Variants in STX6 observed in about 807,000 individuals in gnomAD.
STX6 encodes syntaxin-6.
STX6 carries 23 observed loss-of-function variants against 38.0 expected under a neutral mutation model. The observed-to-expected ratio is 0.60, with a 90% CI of 0.43 to 0.86. The LOEUF (loss-of-function observed/expected upper bound fraction) is 0.86. STX6 is among the 40% of genes least tolerant of loss of function. The probability of loss-of-function intolerance (pLI) is 0.00; values close to 1 mark genes in which losing one functional copy is unlikely to be tolerated. For missense variants in STX6, 274 were observed against 312.9 expected, an observed-to-expected ratio of 0.88 and a Z score of 0.94; for synonymous variants, 123 against 107.5, an observed-to-expected ratio of 1.14 and a Z score of -0.89.
chr1:180,987,142 C>CAGAG (rs1012593988), intron 6 of STX6, among the ~76,000 whole-genome samples: 2 of 152,184 alleles, frequency 1.3e-5, no homozygotes, highest in African/African-American at 4.8e-5. Context: ...ACACATGGAA[C>CAGAG]CTCTCTGCTC....
chr1:181,002,830 C>G, intron 2 of STX6, 130 bp from the exon 3 acceptor site: 1 of 619,772 alleles, frequency 1.6e-6, no homozygotes, highest in Non-Finnish European at 2.9e-6. Flanking sequence ...GTCAGCTGGA[C>G]ACCAATCATT....
rs1272327871 is a variant in STX6, at chr1:181,005,292, ATTGATGGTTTCATCAAGGTCCTC to A, written c.184_205+1del. 1 of 1,613,162 alleles carries A rather than the reference ATTGATGGTTTCATCAAGGTCCTC, an allele frequency of 6.2e-7. No homozygotes were observed. On this transcript the variant is annotated splice_donor_variant and coding_sequence_variant, in exon 2 of 8. Transcript: ENST00000258301. LOFTEE classifies it high-confidence loss of function. ...TGGCACAGACACCACAGAAAAGGAT[ATTGATGGTTTCATCAAGGTCCTC>A]TAGATCCCACTCTATGCTCCGGAGG...
chr1:181,005,240 C>A, intron 2 of STX6, 54 bp downstream of exon 2: 1 of 1,557,098 alleles, frequency 6.4e-7, no homozygotes, highest in Non-Finnish European at 8.7e-7. Flanking sequence ...TGGAGAAAAA[C>A]TTGTCCATTT....
chr1:180,984,352 C>A (rs944767832), intron 7 of STX6, among the ~76,000 whole-genome samples: 1 of 152,074 alleles, frequency 6.6e-6, no homozygotes, highest in African/African-American at 2.4e-5. Flanking sequence ...TCGAGACTAG[C>A]CTAGCCAACA....
At chr1:180,992,844 T>G (rs1409409602) in intron 4 of STX6, among the ~76,000 whole-genome samples, 1 of 152,250 alleles carries the variant, frequency 6.6e-6, no homozygotes, top group Non-Finnish European at 1.5e-5. Flanking sequence ...GTTCCTCTAA[T>G]GTCTTTACAT....
In STX6 at chr1:181,022,849, G is replaced by A. The variant is rs140500084; in HGVS notation, c.-176C>T. 3.2e-3 allele frequency: 1,963 copies of A among 604,130 alleles called. 29 individuals carry two copies. The African/African-American group carries it at 0.033, about 10-fold the overall frequency. The allele number at this position is 604,130 out of a possible 1,614,324, so 37.4% of individuals were successfully genotyped here. The stretch of plus-strand genomic sequence containing the variant: ...CAGGACGGCCGCTGGTCCAGCACTC[G>A]CTCAGCACCACTGGCCGAATCCCGG... On this transcript the variant is annotated 5_prime_UTR_variant, in exon 1 of 8. Transcript: ENST00000258301.
chr1:181,014,406 G>T (rs868206901), intron 1 of STX6, among the ~76,000 whole-genome samples: 6 of 142,246 alleles, frequency 4.2e-5, no homozygotes, highest in African/African-American at 1.3e-4. Flanking sequence ...AAAAAAAAAA[G>T]AAAAAAAAAG....
intron 3 of STX6, among the ~76,000 whole-genome samples, chr1:180,995,091 T>C (rs767042913): frequency 6.6e-6 from 1 of 151,972 alleles, no homozygotes; most frequent in Non-Finnish European, 1.5e-5. Context: ...GCCTCCTGAA[T>C]AGCTGGGACT....
chr1:181,004,945 T>TA lies in STX6; in HGVS notation c.205+348dup, dbSNP rs200256100. Reference sequence around the variant, plus strand: ...TGACTTGAGTGTGAGGGTAGAGACTTAAAAAAAAAAGAAAAAAAGGGTTTT... The same window carrying TA: ...TGACTTGAGTGTGAGGGTAGAGACTTAAAAAAAAAAAGAAAAAAAGGGTTTT... On this transcript the variant is annotated intron_variant, in intron 2 of 7. Coordinates refer to ENST00000258301, the MANE Select transcript of STX6 (RefSeq NM_005819.6). Among the ~76,000 whole-genome samples the TA allele has an allele frequency of 6.0e-4, 86 of 143,420 alleles. No homozygotes were observed. The East Asian group carries it at 8.4e-3, about 14-fold the overall frequency. 94.1% of individuals were successfully genotyped at this position (143,420 alleles called of 152,430 possible). A position where few individuals can be genotyped will look rare whatever the true frequency, so the allele number is the denominator to read the frequency against.
chr1:181,019,699 T>A (rs551810014), intron 1 of STX6, among the ~76,000 whole-genome samples: 1 of 152,194 alleles, frequency 6.6e-6, no homozygotes, highest in African/African-American at 2.4e-5. Flanking sequence ...AGGGTACACC[T>A]GTCTAGGACT....
At position 180,974,305 on chromosome 1, in the gene STX6, T is replaced by G. The variant is rs1655193770; in HGVS notation, c.*2265A>C. The G allele has an allele frequency of 6.6e-6, 1 of 152,242 alleles. No homozygotes were observed. Among genetic ancestry groups the G allele is most frequent in the South Asian group, 2.1e-4 (1 of 4,832 alleles). 9.4% of individuals were successfully genotyped at this position (152,242 alleles called of 1,614,324 possible). A position where few individuals can be genotyped will look rare whatever the true frequency, so the allele number is the denominator to read the frequency against. On this transcript the variant is annotated 3_prime_UTR_variant, in exon 8 of 8. Transcript: ENST00000258301. Reference sequence around the variant, plus strand: ...GAATGCACTGTATTGTTAGTTAACTTTCTAAATTGTTCTCTATTTAGCTTC... The same window carrying G: ...GAATGCACTGTATTGTTAGTTAACTGTCTAAATTGTTCTCTATTTAGCTTC...
intron 1 of STX6, among the ~76,000 whole-genome samples, chr1:181,016,423 T>C (rs949663021): frequency 1.3e-5 from 2 of 152,236 alleles, no homozygotes; most frequent in Admixed American, 6.5e-5. Context: ...CTTATCTGCA[T>C]AGTGTTCTCC....
At chr1:180,996,943 T>C (rs567915555) in intron 3 of STX6, among the ~76,000 whole-genome samples, 2 of 152,300 alleles carry the variant, frequency 1.3e-5, no homozygotes, top group African/African-American at 2.4e-5. Context: ...CTCACAAAGA[T>C]GGTCACTGAA....
chr1:181,022,729 C>CGCAGCACCGCCACCTCTT lies in STX6; in HGVS notation c.-57_-56insAAGAGGTGGCGGTGCTGC. On this transcript the variant is annotated 5_prime_UTR_variant, in exon 1 of 8. Transcript: ENST00000258301. The stretch of plus-strand genomic sequence containing the variant: ...TCCGCGCACAGGGCGCCCGTGCCTC[C>CGCAGCACCGCCACCTCTT]CGGTCTCCCTCCGCCCACCCCGCCT... 1 of 1,544,752 alleles carries CGCAGCACCGCCACCTCTT rather than the reference C, an allele frequency of 6.5e-7. No individual in the cohort carries two copies. The highest frequency in any genetic ancestry group is 1.8e-4 in the Middle Eastern group (1 of 5,696).
intron 1 of STX6, among the ~76,000 whole-genome samples, chr1:181,020,153 T>G (rs1656684877): frequency 6.6e-6 from 1 of 151,944 alleles, no homozygotes. Context: ...AGGCAGAGGT[T>G]GCAGTGAGCC....
In STX6 at chr1:181,005,449, G is replaced by A. The variant is rs1656196849; in HGVS notation, c.50C>T (p.Ala17Val). 1.2e-6 allele frequency: 2 copies of A among 1,613,546 alleles called. No homozygotes were observed. The highest frequency in any genetic ancestry group is 2.2e-5 in the South Asian group (2 of 91,038). The change falls in exon 2 of 8, where the codon GCA becomes GTA. Residue 17 changes from alanine (A) to valine (V), a missense_variant. Physicochemically the swap from Ala to Val is moderately conservative, Grantham distance 64 (BLOSUM62 0). Coordinates refer to ENST00000258301, the MANE Select transcript of STX6 (RefSeq NM_005819.6). ...FFVVKGEVQK[A>V]VNTAQGLFQR... ...AAACAATCCCTGGGCAGTGTTGACT[G>A]CTTTCTGTACCTCTCTGTAATCAAG...
intron 1 of STX6, among the ~76,000 whole-genome samples, chr1:181,014,155 T>C (rs1344853707): frequency 1.3e-5 from 2 of 152,068 alleles, no homozygotes; most frequent in Non-Finnish European, 2.9e-5. Context: ...CCCAGCACTT[T>C]GGGAAGCCGA....
intron 4 of STX6, 142 bp downstream of exon 4, chr1:180,993,221 A>G (rs1048654958): frequency 1.8e-6 from 1 of 567,386 alleles, no homozygotes; most frequent in Non-Finnish European, 3.1e-6. Context: ...ACTGTCACAA[A>G]ACCTCCCATG....
chr1:181,007,088 A>T (rs1656245801), intron 1 of STX6, among the ~76,000 whole-genome samples: 1 of 152,200 alleles, frequency 6.6e-6, no homozygotes, highest in Non-Finnish European at 1.5e-5. Context: ...AGAGCTATGT[A>T]TCATTCCTTA....
Sources: gnomAD v4.1 joint callset for allele counts (sites outside exome capture counted in the v4.1 genomes callset) on GRCh38, gnomAD v4.1.1 for gene constraint, MANE v1.5 for transcripts, NCBI Gene and HGNC (gene_info 2026-07-23, HGNC 2026-07-21) for gene names.